PRKCE: variants seen among roughly 807,000 people sequenced by gnomAD.
The protein encoded by PRKCE is protein kinase C epsilon.
A neutral mutation model predicts 85.4 loss-of-function variants in PRKCE; 16 were observed. That is an observed-to-expected ratio of 0.19 (90% CI 0.13 to 0.28). The LOEUF (loss-of-function observed/expected upper bound fraction) is 0.28, where lower values mean the gene tolerates loss of function less well. Ranked by LOEUF, PRKCE falls within the 10% of genes least tolerant of loss-of-function variation. The probability of loss-of-function intolerance (pLI) is 1.00; values close to 1 mark genes in which losing one functional copy is unlikely to be tolerated. For missense variants in PRKCE, 573 were observed against 975.2 expected (o/e 0.59, Z 5.49); for synonymous variants, 388 against 371.5 (o/e 1.04, Z -0.51).
intron 10 of PRKCE, among the ~76,000 whole-genome samples, chr2:46,030,889 T>A (rs936144717): frequency 1.2e-4 from 19 of 152,318 alleles, no homozygotes; most frequent in East Asian, 1.2e-3. Flanking sequence ...GTGAAGACAG[T>A]TTTCGTTACG....
rs758169392 is a variant in PRKCE at position 46,145,243 on chromosome 2, G to A, written c.1731+12G>A. 6 of 1,599,564 alleles carry A rather than the reference G, an allele frequency of 3.8e-6. No homozygotes were observed. Among genetic ancestry groups the A allele is most frequent in the Admixed American group, 1.7e-5 (1 of 60,022 alleles). On this transcript the variant is annotated intron_variant, in intron 12 of 14. Transcript: ENST00000306156. The surrounding 1 kb of genome is among the most constrained non-coding windows in gnomAD (Gnocchi z 4.6). ...ACATAGCTCCTGAGGTAAGACCTGT[G>A]TGCAAAGGTTCACCTCCTCCTGGTG...
At chr2:45,798,646 G>A (rs1687620505) in intron 1 of PRKCE, among the ~76,000 whole-genome samples, 1 of 151,986 alleles carries the variant, frequency 6.6e-6, no homozygotes, top group Admixed American at 6.6e-5. Flanking sequence ...CATATTTAAT[G>A]GGAATATTTT....
chr2:45,730,127 T>TTGGGGAACAACA (rs1681439385), intron 1 of PRKCE, among the ~76,000 whole-genome samples: 1 of 152,104 alleles, frequency 6.6e-6, no homozygotes, highest in East Asian at 1.9e-4. Context: ...ACGCCAGGCT[T>TTGGGGAACAACA]GAAGAGCCGT....
intron 2 of PRKCE, among the ~76,000 whole-genome samples, chr2:45,975,470 A>G (rs753700252): frequency 6.6e-6 from 1 of 152,072 alleles, no homozygotes; most frequent in Non-Finnish European, 1.5e-5. Context: ...GAGCTCACTC[A>G]CTCAGGTCTC....
chr2:45,674,319 G>A (rs1676318353), intron 1 of PRKCE, among the ~76,000 whole-genome samples: 1 of 152,186 alleles, frequency 6.6e-6, no homozygotes. Context: ...TGGTGCTTTA[G>A]AAGAGTGCTG....
chr2:46,187,634 G>C lies in PRKCE; in HGVS notation c.*2753G>C, dbSNP rs1680543053. ...ATATATGAAGGATAGCTGTTCTTCT[G>C]TGTTCTCTCATTATGGACTTTGTGA... is the stretch of plus-strand genomic sequence containing the variant. On this transcript the variant is annotated 3_prime_UTR_variant, in exon 15 of 15. Coordinates refer to ENST00000306156, the MANE Select transcript of PRKCE (RefSeq NM_005400.3). The C allele has an allele frequency of 6.7e-6, 1 of 150,044 alleles. No individual in the cohort carries two copies. The highest frequency in any genetic ancestry group is 1.5e-5 in the Non-Finnish European group (1 of 67,656). The allele number at this position is 150,044 out of a possible 1,614,324, so 9.3% of individuals were successfully genotyped here.
intron 11 of PRKCE, among the ~76,000 whole-genome samples, chr2:46,135,124 C>T (rs1432208959): frequency 2.6e-5 from 4 of 152,166 alleles, no homozygotes; most frequent in Non-Finnish European, 5.9e-5. Flanking sequence ...ACACCTCAGG[C>T]TTCCAGCTGT....
At chr2:45,679,227 T>C (rs1021664500) in intron 1 of PRKCE, among the ~76,000 whole-genome samples, 8 of 152,212 alleles carry the variant, frequency 5.3e-5, no homozygotes, top group South Asian at 4.1e-4. Context: ...CCATGCATAG[T>C]ACTTTGCTGT....
chr2:45,672,307 TATCC>T (rs909045469), intron 1 of PRKCE, among the ~76,000 whole-genome samples: 2 of 150,956 alleles, frequency 1.3e-5, no homozygotes, highest in Non-Finnish European at 3.0e-5. Flanking sequence ...TCCATCTCTA[TATCC>T]ATCCATCCAT....
At chr2:45,906,110 G>A (rs976656213) in intron 2 of PRKCE, among the ~76,000 whole-genome samples, 2 of 152,224 alleles carry the variant, frequency 1.3e-5, no homozygotes, top group Non-Finnish European at 2.9e-5. Flanking sequence ...CCTGCTCCCC[G>A]CAACTCTGCC....
chr2:45,935,805 G>A (rs1000486920), intron 2 of PRKCE, among the ~76,000 whole-genome samples: 3 of 150,540 alleles, frequency 2.0e-5, no homozygotes, highest in Non-Finnish European at 4.4e-5. Flanking sequence ...AAAAATCGCA[G>A]CTTAGCTGAA....
chr2:46,004,531 C>G lies in PRKCE; in HGVS notation c.967-11C>G, dbSNP rs1325348894. On this transcript the variant is annotated splice_polypyrimidine_tract_variant and intron_variant, in intron 7 of 14. Coordinates refer to ENST00000306156, the MANE Select transcript of PRKCE (RefSeq NM_005400.3). This position sits in a 1 kb window ranked among gnomAD's most constrained non-coding sequence, Gnocchi z 4.1. ...TCTGATGCCTCTGTCCCTGCTTTCTCTCCTCTCTAGCTCATTGCTGGTGCC... is the reference window on the plus strand; with the variant it reads ...TCTGATGCCTCTGTCCCTGCTTTCTGTCCTCTCTAGCTCATTGCTGGTGCC... 6 of 1,568,002 alleles carry G rather than the reference C, an allele frequency of 3.8e-6. No homozygotes were observed. Among genetic ancestry groups the G allele is most frequent in the East Asian group, 2.3e-5 (1 of 43,750 alleles).
At chr2:46,079,378 G>T (rs1397610378) in intron 10 of PRKCE, among the ~76,000 whole-genome samples, 1 of 152,064 alleles carries the variant, frequency 6.6e-6, no homozygotes, top group African/African-American at 2.4e-5. Flanking sequence ...TGTTTTCCAT[G>T]ATTTCCTGTC....
chr2:46,082,744 G>C (rs1669217612), intron 10 of PRKCE, among the ~76,000 whole-genome samples: 1 of 152,224 alleles, frequency 6.6e-6, no homozygotes, highest in Admixed American at 6.5e-5. Context: ...AAGCCTGAAA[G>C]CCAAGGGAAA....
chr2:45,936,538 C>G (rs6741319), intron 2 of PRKCE, among the ~76,000 whole-genome samples: 1 of 152,000 alleles, frequency 6.6e-6, no homozygotes, highest in African/African-American at 2.4e-5. Flanking sequence ...GCGGGAGGCC[C>G]GACATCCAAA....
chr2:45,978,898 A>C, intron 3 of PRKCE, 78 bp from the exon 4 acceptor site: 1 of 1,361,466 alleles, frequency 7.3e-7, no homozygotes, highest in Non-Finnish European at 1.0e-6. Flanking sequence ...TGGTGGCCCA[A>C]ATTGGGTGGT....
intron 11 of PRKCE, among the ~76,000 whole-genome samples, chr2:46,119,466 A>C (rs1352795917): frequency 6.6e-6 from 1 of 152,146 alleles, no homozygotes; most frequent in African/African-American, 2.4e-5. Flanking sequence ...CTGAGTATAA[A>C]ATACATACAA....
rs114310886 is a variant in PRKCE at position 46,109,337 on chromosome 2, C to G, written c.1592+22975C>G. ...CTTCTAATCCATGAACATGAAATAA[C>G]TCTTTATTTATTTAGATCTTCCTTG... On this transcript the variant is annotated intron_variant, in intron 11 of 14. Coordinates refer to ENST00000306156, the MANE Select transcript of PRKCE (RefSeq NM_005400.3). Among the ~76,000 whole-genome samples the G allele has an allele frequency of 6.4e-3, 981 of 152,206 alleles. 4 individuals carry two copies. The highest frequency in any genetic ancestry group is 0.023 in the African/African-American group (952 of 41,550).
At chr2:45,795,336 G>A (rs573352333) in intron 1 of PRKCE, among the ~76,000 whole-genome samples, 2 of 152,154 alleles carry the variant, frequency 1.3e-5, no homozygotes, top group East Asian at 1.9e-4. Flanking sequence ...GAGATGGAGT[G>A]TTGCTCTTGT....
Sources: allele counts gnomAD v4.1 joint callset (sites outside exome capture counted in the v4.1 genomes callset), GRCh38; gene constraint gnomAD v4.1.1; non-coding constraint Gnocchi (gnomAD v3.1); transcripts MANE v1.5; gene names NCBI Gene and HGNC (gene_info 2026-07-23, HGNC 2026-07-21).